Variants in SEMA3D observed in about 807,000 individuals in gnomAD.
SEMA3D encodes semaphorin-3D.
SEMA3D carries 84 observed loss-of-function variants against 100.1 expected under a neutral mutation model. The ratio of observed to expected loss-of-function variants is 0.84; its 90% CI spans 0.70 to 1.01. The LOEUF is 1.01. Ranked by LOEUF, SEMA3D falls within the 50% of genes least tolerant of loss-of-function variation. The probability of loss-of-function intolerance (pLI) is 0.00; values close to 1 mark genes in which losing one functional copy is unlikely to be tolerated. For synonymous variants in SEMA3D, 312 were observed against 320.7 expected (o/e 0.97, Z 0.29); for missense variants, 875 against 934.1 (o/e 0.94, Z 0.82).
At chr7:85,026,741 T>C (rs1247355174) in intron 12 of SEMA3D, among the ~76,000 whole-genome samples, 3 of 152,076 alleles carry the variant, frequency 2.0e-5, no homozygotes, top group African/African-American at 7.2e-5. Flanking sequence ...TAAAATCTAA[T>C]GTATGAGGTT....
At chr7:85,224,206 C>T in the SEMA3D span, among the ~76,000 whole-genome samples, 3 of 152,006 alleles carry the variant, frequency 2.0e-5, no homozygotes, top group Non-Finnish European at 2.9e-5. Flanking sequence ...ATAAAATTGC[C>T]GAATATTAGA....
intron 3 of SEMA3D, among the ~76,000 whole-genome samples, chr7:85,099,524 G>A (rs1363619906): frequency 6.6e-6 from 1 of 151,888 alleles, no homozygotes; most frequent in Non-Finnish European, 1.5e-5. Context: ...AATACACATA[G>A]TTTTCAACTT....
intron 8 of SEMA3D, among the ~76,000 whole-genome samples, chr7:85,061,374 A>G (rs1791473534): frequency 6.6e-6 from 1 of 152,168 alleles, no homozygotes; most frequent in South Asian, 2.1e-4. Context: ...GTTAATGCCA[A>G]GTGGGGCACA....
rs1421476006 is a variant in SEMA3D, at chr7:85,022,537, C to T, written c.1268G>A (p.Arg423Gln). The change falls in exon 13 of 19, where the codon CGG becomes CAG. Residue 423 changes from arginine to glutamine, a missense_variant. Transcript: ENST00000284136. ...FPDDVISFIK[R>Q]HSVMYKSVYP... ...TACGGACTTATACATCACAGAGTGCCGCTTTATGAAACTGATGACATCATC... is the reference window on the plus strand; with the variant it reads ...TACGGACTTATACATCACAGAGTGCTGCTTTATGAAACTGATGACATCATC... 2.5e-6 allele frequency: 4 copies of T among 1,612,406 alleles called. No homozygotes were observed. The highest frequency in any genetic ancestry group is 2.7e-5 in the African/African-American group (2 of 74,784).
intron 11 of SEMA3D, 30 bp downstream of exon 11, chr7:85,040,643 G>T (rs1584543612): frequency 9.1e-7 from 1 of 1,098,796 alleles, no homozygotes. Flanking sequence ...ACAATTCTCT[G>T]AAGCATTAAA....
chr7:85,158,362 G>A (rs1481320206), intron 1 of SEMA3D, among the ~76,000 whole-genome samples: 3 of 152,156 alleles, frequency 2.0e-5, no homozygotes, highest in Non-Finnish European at 4.4e-5. Context: ...TGGCCGCTTT[G>A]GGGACGGCTG....
At chr7:85,158,664 G>A (rs1027887893) in intron 1 of SEMA3D, among the ~76,000 whole-genome samples, 3 of 151,966 alleles carry the variant, frequency 2.0e-5, no homozygotes, top group South Asian at 2.1e-4. Context: ...CACCCTATTC[G>A]TACAATCCCT....
At position 85,056,890 on chromosome 7, in the gene SEMA3D, C is replaced by CATATATATATATATATATATAT. The variant is rs10525654; in HGVS notation, c.719-1053_719-1032dup. ...AAATTTATATAGCATACATATACAG[C>CATATATATATATATATATATAT]ATATATATATATATATATATATATG... On this transcript the variant is annotated intron_variant, in intron 8 of 18. Transcript: ENST00000284136. 1.4e-3 allele frequency among the ~76,000 whole-genome samples: 193 copies of CATATATATATATATATATATAT among 138,518 alleles called. 2 individuals are homozygous for CATATATATATATATATATATAT. Among genetic ancestry groups the CATATATATATATATATATATAT allele is most frequent in the Non-Finnish European group, 1.9e-3 (119 of 64,194 alleles). 90.9% of individuals were successfully genotyped at this position (138,518 alleles called of 152,430 possible). A position where few individuals can be genotyped will look rare whatever the true frequency, so the allele number is the denominator to read the frequency against.
intron 15 of SEMA3D, among the ~76,000 whole-genome samples, chr7:85,016,495 C>G (rs1790106327): frequency 6.6e-6 from 1 of 151,676 alleles, no homozygotes; most frequent in Non-Finnish European, 1.5e-5. Flanking sequence ...AGTCTGTCAT[C>G]ACTTCATTTC....
At position 85,024,794 on chromosome 7, in the gene SEMA3D, G is replaced by A. The variant is rs183641956; in HGVS notation, c.1192-2181C>T. On this transcript the variant is annotated intron_variant, in intron 12 of 18. Coordinates refer to ENST00000284136, the MANE Select transcript of SEMA3D (RefSeq NM_001384900.1). ...GAGTTACTCTCTGAGGTTTAGGATA[G>A]TACAGTTTGAATCAAATATTGTTAT... Among the ~76,000 whole-genome samples, 209 of 152,092 alleles carry A rather than the reference G, an allele frequency of 1.4e-3. 2 individuals carry two copies. The Middle Eastern group carries it at 0.031, about 22-fold the overall frequency.
At chr7:85,023,690 A>G (rs1390635940) in intron 12 of SEMA3D, among the ~76,000 whole-genome samples, 1 of 151,870 alleles carries the variant, frequency 6.6e-6, no homozygotes, top group Non-Finnish European at 1.5e-5. Context: ...CCAAAAACAT[A>G]ATGTACTTCT....
intron 9 of SEMA3D, among the ~76,000 whole-genome samples, chr7:85,049,601 TA>T (rs1312603849): frequency 6.6e-6 from 1 of 151,730 alleles, no homozygotes; most frequent in Admixed American, 6.6e-5. Flanking sequence ...AGCACATCTG[TA>T]ACTCGTGGGC....
At chr7:85,008,967 T>C (rs1373549352) in intron 17 of SEMA3D, among the ~76,000 whole-genome samples, 2 of 151,768 alleles carry the variant, frequency 1.3e-5, no homozygotes, top group Non-Finnish European at 2.9e-5. Context: ...TATTCCAAGA[T>C]ATTTCATTAT....
upstream of SEMA3D, among the ~76,000 whole-genome samples, chr7:85,190,437 C>T (rs969782715): frequency 5.3e-5 from 8 of 152,128 alleles, no homozygotes; most frequent in African/African-American, 9.6e-5. Context: ...AGAAAATCGG[C>T]GTGTATGTTA....
chr7:85,048,107 C>A (rs1384403518), intron 9 of SEMA3D, among the ~76,000 whole-genome samples: 6 of 151,822 alleles, frequency 4.0e-5, no homozygotes, highest in Non-Finnish European at 8.8e-5. Flanking sequence ...CACAGGCTTT[C>A]TGTTGGCCAT....
chr7:85,129,157 T>A (rs898166224), intron 2 of SEMA3D, among the ~76,000 whole-genome samples: 14 of 151,894 alleles, frequency 9.2e-5, no homozygotes, highest in Non-Finnish European at 1.3e-4. Context: ...TCCCAAAGTA[T>A]TGGGATTACA....
chr7:85,235,548 A>C, the SEMA3D span, among the ~76,000 whole-genome samples: 1 of 152,202 alleles, frequency 6.6e-6, no homozygotes, highest in South Asian at 2.1e-4. Context: ...TGTTCAAGGG[A>C]ATAATTTTTC....
chr7:85,092,862 T>G (rs969794629), intron 4 of SEMA3D, among the ~76,000 whole-genome samples: 1 of 152,042 alleles, frequency 6.6e-6, no homozygotes, highest in Non-Finnish European at 1.5e-5. Flanking sequence ...AGAAAACTTT[T>G]GCAGAGGCAA....
chr7:85,051,191 C>T (rs1256350333), intron 9 of SEMA3D, among the ~76,000 whole-genome samples: 2 of 151,906 alleles, frequency 1.3e-5, no homozygotes, highest in Admixed American at 6.6e-5. Context: ...CAATAGGTGC[C>T]TGCTGTCCTC....
Sources: allele counts gnomAD v4.1 joint callset (sites outside exome capture counted in the v4.1 genomes callset), GRCh38; gene constraint gnomAD v4.1.1; transcripts MANE v1.5; gene names NCBI Gene and HGNC (gene_info 2026-07-23, HGNC 2026-07-21).